The following KCND3 variants were observed in gnomAD, a reference collection of about 807,000 sequenced individuals.
KCND3 encodes the protein potassium voltage-gated channel subfamily D member 3.
KCND3 carries 9 observed loss-of-function variants against 51.1 expected under a neutral mutation model. That is an observed-to-expected ratio of 0.18 (90% CI 0.11 to 0.31). KCND3 has a LOEUF of 0.31. Ranked by LOEUF, KCND3 falls within the 10% of genes least tolerant of loss-of-function variation. The pLI is 1.00. For synonymous variants in KCND3, 349 were observed against 368.0 expected (o/e 0.95, Z 0.59); for missense variants, 526 against 903.8 (o/e 0.58, Z 5.36).
chr1:111,980,629 G>A (rs1261624950), intron 2 of KCND3, among the ~76,000 whole-genome samples: 1 of 152,166 alleles, frequency 6.6e-6, no homozygotes, highest in African/African-American at 2.4e-5. Flanking sequence ...GAATTGTGGA[G>A]GGATTTTGCA....
At chr1:111,801,895 C>T (rs780886845) in intron 2 of KCND3, among the ~76,000 whole-genome samples, 8 of 152,204 alleles carry the variant, frequency 5.3e-5, no homozygotes, top group South Asian at 2.1e-4. Context: ...CCTACACCCA[C>T]GTGGCACAGG....
intron 2 of KCND3, among the ~76,000 whole-genome samples, chr1:111,874,382 T>C (rs376113325): frequency 1.3e-5 from 2 of 152,256 alleles, no homozygotes; most frequent in Admixed American, 6.5e-5. Flanking sequence ...GGGACTGAGT[T>C]GCTGCCTTGC....
intron 2 of KCND3, among the ~76,000 whole-genome samples, chr1:111,818,039 T>TGCAC (rs903485264): frequency 3.2e-5 from 3 of 94,796 alleles, no homozygotes; most frequent in Admixed American, 1.2e-4. Flanking sequence ...CACACGCGCG[T>TGCAC]GCACACACAC....
At chr1:111,842,076 G>A (rs942714497) in intron 2 of KCND3, among the ~76,000 whole-genome samples, 2 of 152,188 alleles carry the variant, frequency 1.3e-5, no homozygotes, top group Non-Finnish European at 2.9e-5. Context: ...TGGGAAGCAG[G>A]GCACCTGGGA....
At chr1:111,799,452 T>C (rs555480066) in intron 2 of KCND3, among the ~76,000 whole-genome samples, 5 of 152,328 alleles carry the variant, frequency 3.3e-5, no homozygotes, top group African/African-American at 1.2e-4. Flanking sequence ...AATGTTAACA[T>C]TATTACTGAG....
intron 2 of KCND3, among the ~76,000 whole-genome samples, chr1:111,943,638 C>T (rs1005999773): frequency 6.6e-6 from 1 of 152,208 alleles, no homozygotes; most frequent in African/African-American, 2.4e-5. Flanking sequence ...CTGGGTCATG[C>T]CTCTTGTGCA....
chr1:111,808,166 C>G (rs538978504), intron 2 of KCND3, among the ~76,000 whole-genome samples: 2 of 152,216 alleles, frequency 1.3e-5, no homozygotes, highest in Admixed American at 6.5e-5. Context: ...CCTTGTCTAA[C>G]GCCTGGGATA....
chr1:111,950,100 G>A (rs374973005), intron 2 of KCND3, among the ~76,000 whole-genome samples: 1 of 152,128 alleles, frequency 6.6e-6, no homozygotes, highest in East Asian at 1.9e-4. Context: ...CAGTAGAGAC[G>A]GGGCTTCACC....
chr1:111,979,293 G>C (rs1024316826), intron 2 of KCND3, among the ~76,000 whole-genome samples: 1 of 152,142 alleles, frequency 6.6e-6, no homozygotes, highest in Non-Finnish European at 1.5e-5. Flanking sequence ...TAATCTACAG[G>C]GTGAATGACA....
At chr1:111,887,796 T>G (rs1245181093) in intron 2 of KCND3, among the ~76,000 whole-genome samples, 1 of 152,186 alleles carries the variant, frequency 6.6e-6, no homozygotes, top group Non-Finnish European at 1.5e-5. Context: ...AATGGGAAAT[T>G]CATGCTCAGT....
intron 2 of KCND3, among the ~76,000 whole-genome samples, chr1:111,832,711 C>T (rs527437185): frequency 2.4e-4 from 37 of 152,174 alleles, no homozygotes; most frequent in Non-Finnish European, 1.3e-4. Context: ...AATGCAGTGG[C>T]AGAATGATAA....
chr1:111,963,612 C>G (rs1274473390), intron 2 of KCND3, among the ~76,000 whole-genome samples: 1 of 152,166 alleles, frequency 6.6e-6, no homozygotes, highest in Non-Finnish European at 1.5e-5. Context: ...GCCAAGGTCC[C>G]AATTGTCAAA....
chr1:111,861,900 C>T (rs753365240), intron 2 of KCND3, among the ~76,000 whole-genome samples: 4 of 152,190 alleles, frequency 2.6e-5, no homozygotes, highest in Non-Finnish European at 4.4e-5. Context: ...TATTTGGGCT[C>T]CTGTGGTCTG....
intron 2 of KCND3, among the ~76,000 whole-genome samples, chr1:111,923,360 G>A (rs1386282676): frequency 6.6e-6 from 1 of 152,194 alleles, no homozygotes; most frequent in Non-Finnish European, 1.5e-5. Flanking sequence ...ATTCCTCAAT[G>A]CAGGGCTGAG....
At chr1:111,853,813 A>G (rs534952920) in intron 2 of KCND3, 75 of 152,340 alleles carry the variant, frequency 4.9e-4, no homozygotes, top group African/African-American at 1.7e-3. Context: ...CCTCAGTTTC[A>G]TCATCTGTAA....
At chr1:111,912,526 T>A (rs1344005183) in intron 2 of KCND3, among the ~76,000 whole-genome samples, 1 of 152,214 alleles carries the variant, frequency 6.6e-6, no homozygotes. Flanking sequence ...GAAAGTTAAC[T>A]GTAAAACAGC....
intron 2 of KCND3, among the ~76,000 whole-genome samples, chr1:111,804,985 C>T (rs1027039141): frequency 6.6e-6 from 1 of 152,174 alleles, no homozygotes; most frequent in African/African-American, 2.4e-5. Context: ...CCTGAGGGCC[C>T]GTGTGAGTGG....
At chr1:111,985,180 G>T (rs975468775) in intron 1 of KCND3, among the ~76,000 whole-genome samples, 2 of 152,156 alleles carry the variant, frequency 1.3e-5, no homozygotes, top group African/African-American at 4.8e-5. Flanking sequence ...GCAGAATAGG[G>T]ATTCCATCTC....
At chr1:111,860,948 C>T (rs1668311148) in intron 2 of KCND3, among the ~76,000 whole-genome samples, 1 of 152,206 alleles carries the variant, frequency 6.6e-6, no homozygotes, top group Admixed American at 6.5e-5. Context: ...GCAAGGAAGT[C>T]CTCCTGTGTG....
Sources: allele counts gnomAD v4.1 joint callset (sites outside exome capture counted in the v4.1 genomes callset), GRCh38; gene constraint gnomAD v4.1.1; transcripts MANE v1.5; gene names NCBI Gene and HGNC (gene_info 2026-07-23, HGNC 2026-07-21).